WIPF3: variants seen among roughly 807,000 people sequenced by gnomAD.
WIPF3 encodes WAS/WASL interacting protein family member 3, also known as WAS/WASL-interacting protein family member 3.
In WIPF3, 33 loss-of-function variants were observed where a neutral mutation model predicts 38.9. The ratio of observed to expected loss-of-function variants is 0.85; its 90% CI spans 0.64 to 1.14. The LOEUF is 1.14. WIPF3 is among the 50% of genes most tolerant of loss of function. The pLI is 0.00. For missense variants in WIPF3, 711 were observed against 652.5 expected, an observed-to-expected ratio of 1.09 and a Z score of -0.98; for synonymous variants, 324 against 269.3, an observed-to-expected ratio of 1.20 and a Z score of -1.99.
intron 8 of WIPF3, among the ~76,000 whole-genome samples, chr7:29,914,020 C>G (rs1272751585): frequency 6.6e-6 from 1 of 152,174 alleles, no homozygotes; most frequent in Non-Finnish European, 1.5e-5. Flanking sequence ...TGCAGTGAGA[C>G]ACAAAACAAT....
chr7:29,868,515 G>T, intron 2 of WIPF3, among the ~76,000 whole-genome samples: 1 of 87,456 alleles, frequency 1.1e-5, no homozygotes, highest in African/African-American at 3.1e-5. Context: ...TAAATAATGA[G>T]AAGTATATAT....
At chr7:29,860,326 G>C (rs1785253174) in intron 2 of WIPF3, among the ~76,000 whole-genome samples, 1 of 152,080 alleles carries the variant, frequency 6.6e-6, no homozygotes, top group Admixed American at 6.5e-5. Flanking sequence ...GGGGCCTAAT[G>C]GATGGTGGTT....
chr7:29,850,292 A>C (rs1210375880), intron 2 of WIPF3, among the ~76,000 whole-genome samples: 1 of 152,240 alleles, frequency 6.6e-6, no homozygotes, highest in Non-Finnish European at 1.5e-5. Flanking sequence ...AAAATTAGAG[A>C]GATTGACTTT....
At chr7:29,821,364 G>A (rs1392911229) in intron 1 of WIPF3, among the ~76,000 whole-genome samples, 2 of 151,942 alleles carry the variant, frequency 1.3e-5, no homozygotes, top group African/African-American at 4.8e-5. Context: ...GTTTGATCAC[G>A]GCTTACTGCA....
At chr7:29,904,383 C>T (rs1372128844) in intron 8 of WIPF3, 21 bp downstream of exon 8, 2 of 1,611,910 alleles carry the variant, frequency 1.2e-6, no homozygotes, top group Admixed American at 3.3e-5. Context: ...CCTCATGTCT[C>T]TGAATGTAAA....
intron 2 of WIPF3, among the ~76,000 whole-genome samples, chr7:29,870,538 A>G (rs1040988165): frequency 1.3e-5 from 2 of 152,192 alleles, no homozygotes; most frequent in African/African-American, 4.8e-5. Flanking sequence ...CTAAGCAAAG[A>G]TGTGACAGCT....
chr7:29,913,726 G>A (rs1315556290), intron 8 of WIPF3, among the ~76,000 whole-genome samples: 2 of 152,194 alleles, frequency 1.3e-5, no homozygotes, highest in Non-Finnish European at 2.9e-5. Flanking sequence ...ATGTCACAAT[G>A]CCCAAACCTT....
At position 29,891,142 on chromosome 7, in the gene WIPF3, C is replaced by T. The variant is rs1361558979; in HGVS notation, c.1351+1735C>T. 2.6e-4 allele frequency among the ~76,000 whole-genome samples: 17 copies of T among 65,006 alleles called. 1 individual carries two copies. Among genetic ancestry groups the T allele is most frequent in the Admixed American group, 1.0e-3 (6 of 5,916 alleles). The allele number at this position is 65,006 out of a possible 152,430, so 42.6% of individuals were successfully genotyped here. A position where few individuals can be genotyped will look rare whatever the true frequency, so the allele number is the denominator to read the frequency against. ...CTGCCCTGTGCTCAGGTGGAGGGGG[C>T]GCGGGCCTGCCCTGTGCTCAGGTGG... On this transcript the variant is annotated intron_variant, in intron 7 of 8. Coordinates refer to ENST00000242140, the MANE Select transcript of WIPF3 (RefSeq NM_001080529.3).
chr7:29,850,231 T>C (rs1583602506), intron 2 of WIPF3, among the ~76,000 whole-genome samples: 1 of 152,180 alleles, frequency 6.6e-6, no homozygotes, highest in East Asian at 1.9e-4. Flanking sequence ...AAAGTAAAAT[T>C]TTATTGATAG....
rs1469125051 is a variant in WIPF3, at chr7:29,847,311, T to G, written c.90+12497T>G. The stretch of plus-strand genomic sequence containing the variant: ...AGATCAAAATTGAGAACCTGAGTTA[T>G]CCAAGTGGGAAGTCAGGCCGGCAGT... On this transcript the variant is annotated intron_variant, in intron 2 of 8. Transcript: ENST00000242140. 3.3e-5 allele frequency among the ~76,000 whole-genome samples: 5 copies of G among 152,260 alleles called. No individual in the cohort carries two copies. In the East Asian group the frequency reaches 9.7e-4, roughly 29 times the overall value.
chr7:29,896,565 A>G, intron 7 of WIPF3, among the ~76,000 whole-genome samples: 1 of 152,126 alleles, frequency 6.6e-6, no homozygotes, highest in East Asian at 1.9e-4. Context: ...GCAGTGAGCC[A>G]TAATGGTGCC....
intron 8 of WIPF3, among the ~76,000 whole-genome samples, chr7:29,913,392 A>C (rs1343219789): frequency 1.3e-5 from 2 of 150,568 alleles, no homozygotes; most frequent in Non-Finnish European, 1.5e-5. Flanking sequence ...TATGTTATTT[A>C]TATTGTACCA....
chr7:29,908,863 G>A (rs529215226), intron 8 of WIPF3, among the ~76,000 whole-genome samples: 2 of 148,570 alleles, frequency 1.3e-5, no homozygotes, highest in South Asian at 2.1e-4. Context: ...AGCCAAGACC[G>A]TGCCATTGCA....
At chr7:29,892,650 G>A (rs1354579133) in intron 7 of WIPF3, among the ~76,000 whole-genome samples, 1 of 152,222 alleles carries the variant, frequency 6.6e-6, no homozygotes, top group Admixed American at 6.5e-5. Flanking sequence ...GCCAGAGCCA[G>A]GAATTTTGAA....
intron 2 of WIPF3, among the ~76,000 whole-genome samples, chr7:29,840,571 T>C (rs1289551364): frequency 2.0e-5 from 3 of 152,236 alleles, no homozygotes; most frequent in Admixed American, 2.0e-4. Context: ...CAATTATTTA[T>C]GTAAATTGGG....
chr7:29,857,082 AC>A (rs2128069852), intron 2 of WIPF3, among the ~76,000 whole-genome samples: 1 of 152,214 alleles, frequency 6.6e-6, no homozygotes, highest in Non-Finnish European at 1.5e-5. Context: ...GTGATAAGAG[AC>A]CTTGGTGATT....
chr7:29,850,979 G>A (rs1785085188), intron 2 of WIPF3, among the ~76,000 whole-genome samples: 2 of 152,202 alleles, frequency 1.3e-5, no homozygotes, highest in Admixed American at 1.3e-4. Flanking sequence ...ATGCTTTAAA[G>A]CATCAGCACA....
Position 29,878,931 on chromosome 7 carries a change from T to C in WIPF3, c.224-78T>C. On this transcript the variant is annotated intron_variant, in intron 3 of 8. Coordinates refer to ENST00000242140, the MANE Select transcript of WIPF3 (RefSeq NM_001080529.3). This position sits in a 1 kb window ranked among gnomAD's most constrained non-coding sequence, Gnocchi z 4.0. ...GACAAGGGCAGTGGTAGACCAGTGT[T>C]AGACCATGGTCTGAAATGAGACCTG... 1 of 1,486,428 alleles carries C rather than the reference T, an allele frequency of 6.7e-7. No individual in the cohort carries two copies. The highest frequency in any genetic ancestry group is 9.1e-7 in the Non-Finnish European group (1 of 1,093,004). 92.1% of individuals were successfully genotyped at this position (1,486,428 alleles called of 1,614,324 possible). A position where few individuals can be genotyped will look rare whatever the true frequency, so the allele number is the denominator to read the frequency against.
In WIPF3 at chr7:29,823,128, G is replaced by T. The variant is rs2128063159; in HGVS notation, c.-57-11540G>T. On this transcript the variant is annotated intron_variant, in intron 1 of 8. Coordinates refer to ENST00000242140, the MANE Select transcript of WIPF3 (RefSeq NM_001080529.3). The surrounding 1 kb of genome is among the most constrained non-coding windows in gnomAD (Gnocchi z 4.0). ...AGAAGAAACATTCTACCTTTTTCTT[G>T]AACAAATAGATGGGAATTACAGCCA... is the stretch of plus-strand genomic sequence containing the variant. 6.6e-6 allele frequency among the ~76,000 whole-genome samples: 1 copy of T among 152,260 alleles called. No homozygotes were observed. Among genetic ancestry groups the T allele is most frequent in the East Asian group, 1.9e-4 (1 of 5,180 alleles).
Sources: gnomAD v4.1 joint callset for allele counts (sites outside exome capture counted in the v4.1 genomes callset) on GRCh38, gnomAD v4.1.1 for gene constraint, Gnocchi (gnomAD v3.1) non-coding constraint, MANE v1.5 for transcripts, NCBI Gene and HGNC (gene_info 2026-07-23, HGNC 2026-07-21) for gene names.